DMRT1: variants seen among roughly 807,000 people sequenced by gnomAD.
The protein encoded by DMRT1 is doublesex- and mab-3-related transcription factor 1.
DMRT1 carries 7 observed loss-of-function variants against 32.3 expected under a neutral mutation model. The ratio of observed to expected loss-of-function variants is 0.22; its 90% CI spans 0.12 to 0.41. The LOEUF is 0.41. Among genes scored for constraint, DMRT1 ranks in the 10% least tolerant of loss-of-function variants. DMRT1 has a pLI of 1.00. For synonymous variants in DMRT1, 278 were observed against 206.1 expected (o/e 1.35, Z -2.99); for missense variants, 625 against 500.5 (o/e 1.25, Z -2.37).
intron 3 of DMRT1, among the ~76,000 whole-genome samples, chr9:897,385 G>C (rs145556073): frequency 3.6e-4 from 55 of 152,036 alleles, no homozygotes; most frequent in African/African-American, 1.2e-3. Flanking sequence ...CAAAGTGCTG[G>C]GATTACAGGC....
intron 4 of DMRT1, among the ~76,000 whole-genome samples, chr9:941,132 T>C (rs1486659712): frequency 6.6e-6 from 1 of 152,148 alleles, no homozygotes; most frequent in Admixed American, 6.6e-5. Context: ...GTCTTCAAAA[T>C]ATGAACCCAA....
intron 2 of DMRT1, among the ~76,000 whole-genome samples, chr9:852,099 G>A (rs943802480): frequency 1.3e-5 from 2 of 151,754 alleles, no homozygotes; most frequent in Non-Finnish European, 2.9e-5. Flanking sequence ...ACCACCACCC[G>A]TTTAATTTTT....
In DMRT1 at chr9:902,626, C is replaced by T. The variant is rs548273669; in HGVS notation, c.822+8431C>T. 9.9e-5 allele frequency among the ~76,000 whole-genome samples: 15 copies of T among 151,736 alleles called. No individual in the cohort carries two copies. In the South Asian group the frequency reaches 1.5e-3, roughly 15 times the overall value. ...GCCTCAGCCTCCTGAGTAGCTGGGA[C>T]TACAGGCACACGCCACCATACCCAG... is the stretch of plus-strand genomic sequence containing the variant. On this transcript the variant is annotated intron_variant, in intron 3 of 4. Coordinates refer to ENST00000382276, the MANE Select transcript of DMRT1 (RefSeq NM_021951.3).
intron 4 of DMRT1, among the ~76,000 whole-genome samples, chr9:937,171 C>G (rs1357920663): frequency 6.6e-6 from 1 of 152,316 alleles, no homozygotes; most frequent in East Asian, 1.9e-4. Context: ...TGGCATGTGT[C>G]AGACCCTCAT....
At chr9:904,299 GAT>G (rs1032406864) in intron 3 of DMRT1, among the ~76,000 whole-genome samples, 39 of 152,284 alleles carry the variant, frequency 2.6e-4, no homozygotes, top group African/African-American at 8.2e-4. Context: ...ACATGAATAT[GAT>G]ATGAAATTAG....
At chr9:883,525 C>A (rs1428735182) in intron 2 of DMRT1, among the ~76,000 whole-genome samples, 2 of 151,866 alleles carry the variant, frequency 1.3e-5, no homozygotes, top group Non-Finnish European at 2.9e-5. Flanking sequence ...GGTGCAGCGA[C>A]TCACACCTGT....
At chr9:947,431 G>A (rs1426026796) in intron 4 of DMRT1, among the ~76,000 whole-genome samples, 6 of 152,128 alleles carry the variant, frequency 3.9e-5, no homozygotes, top group African/African-American at 7.2e-5. Context: ...AGGAAAGCTC[G>A]TAATTTCTTG....
intron 2 of DMRT1, among the ~76,000 whole-genome samples, chr9:881,891 C>G (rs1259461758): frequency 6.6e-6 from 1 of 152,196 alleles, no homozygotes; most frequent in African/African-American, 2.4e-5. Context: ...TTGATAGAGT[C>G]CCAAACTGTC....
chr9:941,250 G>T (rs1286829874), intron 4 of DMRT1, among the ~76,000 whole-genome samples: 1 of 152,026 alleles, frequency 6.6e-6, no homozygotes, highest in African/African-American at 2.4e-5. Context: ...ATAAATGGGG[G>T]TCAACCTAAG....
At chr9:853,110 C>T (rs140103312) in intron 2 of DMRT1, among the ~76,000 whole-genome samples, 26 of 152,114 alleles carry the variant, frequency 1.7e-4, no homozygotes, top group Admixed American at 1.2e-3. Context: ...GTTTTAGGTT[C>T]ACAGCAAAAT....
chr9:845,367 C>T (rs1838862889), intron 1 of DMRT1, among the ~76,000 whole-genome samples: 1 of 151,932 alleles, frequency 6.6e-6, no homozygotes, highest in Admixed American at 6.6e-5. Flanking sequence ...ACCACCATGC[C>T]TGGCTAGTTT....
intron 2 of DMRT1, among the ~76,000 whole-genome samples, chr9:854,483 C>G (rs1000579721): frequency 6.6e-6 from 1 of 151,658 alleles, no homozygotes; most frequent in Non-Finnish European, 1.5e-5. Flanking sequence ...AGGGTTTTGC[C>G]ACGTTGGCCA....
At chr9:861,482 A>G (rs10977178) in intron 2 of DMRT1, among the ~76,000 whole-genome samples, 49,754 of 152,152 alleles carry the variant, frequency 0.33, 9,562 homozygotes, top group Non-Finnish European at 0.44. Flanking sequence ...CACAGACACA[A>G]TAACAATCTG....
At chr9:895,217 T>A (rs1195900095) in intron 3 of DMRT1, among the ~76,000 whole-genome samples, 2 of 152,228 alleles carry the variant, frequency 1.3e-5, no homozygotes, top group African/African-American at 4.8e-5. Context: ...TATCTAGGGC[T>A]GTTCTGCTTC....
At chr9:879,540 G>A (rs1816647190) in intron 2 of DMRT1, among the ~76,000 whole-genome samples, 1 of 152,186 alleles carries the variant, frequency 6.6e-6, no homozygotes, top group Non-Finnish European at 1.5e-5. Flanking sequence ...CACGTAGATA[G>A]TTAGAAGAGG....
Position 966,848 on chromosome 9 carries a change from T to A in DMRT1, c.968-1137T>A, listed in dbSNP as rs542349585. On this transcript the variant is annotated intron_variant, in intron 4 of 4. Transcript: ENST00000382276. ...ACCCAGTGCAGCTTCTACTATGATTTAGTTCTCTACAAATGACTTCAGCAC... is the reference window on the plus strand; with the variant it reads ...ACCCAGTGCAGCTTCTACTATGATTAAGTTCTCTACAAATGACTTCAGCAC... Among the ~76,000 whole-genome samples, 13 of 152,344 alleles carry A rather than the reference T, an allele frequency of 8.5e-5. No individual in the cohort carries two copies. The South Asian group carries it at 2.7e-3, about 32-fold the overall frequency.
chr9:843,986 GA>G (rs79611638), intron 1 of DMRT1, among the ~76,000 whole-genome samples: 37,107 of 151,798 alleles, frequency 0.24, 4,521 homozygotes, highest in Middle Eastern at 0.28. Context: ...TGAGTTTACT[GA>G]AAAAAATTAA....
chr9:883,132 C>T (rs1193134815), intron 2 of DMRT1, among the ~76,000 whole-genome samples: 2 of 151,892 alleles, frequency 1.3e-5, no homozygotes, highest in Admixed American at 6.6e-5. Context: ...TGCCATCTGT[C>T]CCACATTGAC....
At chr9:930,809 G>T (rs183337326) in intron 4 of DMRT1, among the ~76,000 whole-genome samples, 1 of 152,058 alleles carries the variant, frequency 6.6e-6, no homozygotes, top group Non-Finnish European at 1.5e-5. Flanking sequence ...AAAAGCACTT[G>T]GATTACAGAC....
Sources: gnomAD v4.1 joint callset for allele counts (sites outside exome capture counted in the v4.1 genomes callset) on GRCh38, gnomAD v4.1.1 for gene constraint, MANE v1.5 for transcripts, NCBI Gene and HGNC (gene_info 2026-07-23, HGNC 2026-07-21) for gene names.